The following RUFY2 variants were observed in gnomAD, a reference collection of about 807,000 sequenced individuals.
RUFY2 encodes RUN and FYVE domain containing 2, also known as RUN and FYVE domain-containing protein 2.
RUFY2 carries 49 observed loss-of-function variants against 94.4 expected under a neutral mutation model. The observed-to-expected ratio is 0.52, with a 90% CI of 0.41 to 0.66. RUFY2 has a LOEUF of 0.66. Ranked by LOEUF, RUFY2 falls within the 30% of genes least tolerant of loss-of-function variation. The pLI is 0.00. For synonymous variants in RUFY2, 255 were observed against 235.7 expected (o/e 1.08, Z -0.75); for missense variants, 541 against 692.8 (o/e 0.78, Z 2.46).
At chr10:68,341,280 C>G, downstream of RUFY2, 1 of 1,603,436 alleles carries the variant, frequency 6.2e-7, no homozygotes, top group Non-Finnish European at 8.5e-7. Context: ...GATGCAGTAG[C>G]TGCCATGTCT....
intron 12 of RUFY2, chr10:68,378,375 T>A: frequency 8.1e-6 from 10 of 1,231,540 alleles, no homozygotes; most frequent in Non-Finnish European, 1.0e-5. Context: ...GAGGAACGTA[T>A]GTCTGGAAAT....
chr10:68,406,275 A>C (rs984254616), intron 1 of RUFY2, among the ~76,000 whole-genome samples: 2 of 152,106 alleles, frequency 1.3e-5, no homozygotes, highest in African/African-American at 4.8e-5. Context: ...GCAACCTAAA[A>C]TGCAAACAGC....
At chr10:68,384,374 T>A (rs1214508915) in intron 8 of RUFY2, among the ~76,000 whole-genome samples, 1 of 152,238 alleles carries the variant, frequency 6.6e-6, no homozygotes, top group African/African-American at 2.4e-5. Flanking sequence ...TTCCTACTAT[T>A]TTCTTTTATA....
chr10:68,384,803 T>G (rs1045298253), intron 8 of RUFY2, among the ~76,000 whole-genome samples: 4 of 152,180 alleles, frequency 2.6e-5, no homozygotes, highest in African/African-American at 9.7e-5. Context: ...TTTCTAAACA[T>G]TTTATCAGGA....
At chr10:68,357,863 A>G (rs1164034907) in intron 15 of RUFY2, among the ~76,000 whole-genome samples, 1 of 152,200 alleles carries the variant, frequency 6.6e-6, no homozygotes, top group African/African-American at 2.4e-5. Flanking sequence ...ACTTGTTTCA[A>G]ATTTTTCGCC....
At position 68,365,580 on chromosome 10, in the gene RUFY2, A is replaced by C. The variant is rs955844441; in HGVS notation, c.1326-1467T>G. On this transcript the variant is annotated intron_variant, in intron 13 of 17. Coordinates refer to ENST00000602465, the MANE Select transcript of RUFY2 (RefSeq NM_001330103.2). ...GAGCCTGAACTGTAAAATTGGGCAAAGAATTAGCTTACTCGTTTTTATCCA... is the reference window on the plus strand; with the variant it reads ...GAGCCTGAACTGTAAAATTGGGCAACGAATTAGCTTACTCGTTTTTATCCA... 3.3e-5 allele frequency among the ~76,000 whole-genome samples: 5 copies of C among 152,244 alleles called. No individual in the cohort carries two copies. In the East Asian group the frequency reaches 9.6e-4, roughly 29 times the overall value.
intron 7 of RUFY2, among the ~76,000 whole-genome samples, chr10:68,390,676 T>C (rs917151322): frequency 2.0e-5 from 3 of 152,096 alleles, no homozygotes; most frequent in African/African-American, 4.8e-5. Context: ...TGCCCAGGCT[T>C]ATCTCAAACT....
intron 1 of RUFY2, chr10:68,406,972 G>A (rs1467613003): frequency 2.4e-5 from 37 of 1,536,820 alleles, no homozygotes; most frequent in African/African-American, 5.5e-5. Context: ...CTCAGAACCC[G>A]GGCGGGAACG....
intron 13 of RUFY2, among the ~76,000 whole-genome samples, chr10:68,374,780 CTTA>C (rs1356888075): frequency 4.6e-5 from 7 of 151,780 alleles, no homozygotes; most frequent in African/African-American, 2.4e-5. Context: ...GTTGTTTGTT[CTTA>C]TTGTTGTTTT....
intron 10 of RUFY2, among the ~76,000 whole-genome samples, chr10:68,382,034 A>G (rs568413632): frequency 1.3e-5 from 2 of 152,078 alleles, no homozygotes; most frequent in East Asian, 1.9e-4. Context: ...AGTAACTCAA[A>G]TAACAGTTTA....
intron 12 of RUFY2, chr10:68,377,240 A>G: frequency 7.8e-7 from 1 of 1,289,258 alleles, no homozygotes; most frequent in African/African-American, 1.5e-5. Flanking sequence ...TAACAGTGCA[A>G]AGCAATACAG....
intron 4 of RUFY2, among the ~76,000 whole-genome samples, chr10:68,395,735 C>T (rs2050345693): frequency 6.6e-6 from 1 of 152,200 alleles, no homozygotes; most frequent in Admixed American, 6.6e-5. Context: ...GGCCCATGTA[C>T]ATTATTTAAT....
chr10:68,400,944 T>C (rs1017390209), intron 3 of RUFY2, among the ~76,000 whole-genome samples: 13 of 151,162 alleles, frequency 8.6e-5, no homozygotes, highest in Non-Finnish European at 1.5e-4. Context: ...ACCCGGGAGG[T>C]GGAGCTTGCA....
downstream of RUFY2, chr10:68,342,093 C>G: frequency 1.4e-6 from 2 of 1,432,032 alleles, no homozygotes; most frequent in Non-Finnish European, 2.0e-6. Flanking sequence ...ACAACAGCAT[C>G]TGGTCTACTA....
chr10:68,386,105 G>A lies in RUFY2; in HGVS notation c.674C>T (p.Ser225Leu), dbSNP rs2049474239. 2 of 1,612,348 alleles carry A rather than the reference G, an allele frequency of 1.2e-6. No homozygotes were observed. Among genetic ancestry groups the A allele is most frequent in the East Asian group, 2.2e-5 (1 of 44,812 alleles). ...QLNSTVSSLH[S>L]RVDSLEKSNT... ...TGACTTTTCTAATGAATCAACTCTT[G>A]AATGGAGGCTGCTGACTGTGCTGCT... Residue 225 changes from serine (S) to leucine (L), a missense_variant, in exon 8 of 18, where the codon TCA becomes TTA. By Grantham distance (145) the Ser-to-Leu change is moderately radical (BLOSUM62 -2). Transcript: ENST00000602465.
At chr10:68,376,473 TATATATATATATATA>T (rs1235045548) in intron 13 of RUFY2, among the ~76,000 whole-genome samples, 449 of 41,462 alleles carry the variant, frequency 0.011, 69 homozygotes, top group Non-Finnish European at 0.016. Context: ...TATATATATA[TATATATATATATATA>T]TATTCTCAGA....
At chr10:68,363,514 C>T in intron 15 of RUFY2, 76 bp downstream of exon 15, 1 of 937,718 alleles carries the variant, frequency 1.1e-6, no homozygotes, top group Non-Finnish European at 1.6e-6. Flanking sequence ...AACTCTTCTG[C>T]CTAATAGATT....
chr10:68,343,908 G>C lies in RUFY2; in HGVS notation c.*1860C>G, dbSNP rs1406575182. Reference sequence around the variant, plus strand: ...TTAAAGGATGACAAAATCATGGTTTGTTGAATGAAATTAGCCTTGGAATTT... The same window carrying C: ...TTAAAGGATGACAAAATCATGGTTTCTTGAATGAAATTAGCCTTGGAATTT... On this transcript the variant is annotated 3_prime_UTR_variant, in exon 18 of 18. Transcript: ENST00000602465. 3.4e-5 allele frequency: 5 copies of C among 149,178 alleles called. No individual in the cohort carries two copies. Among genetic ancestry groups the C allele is most frequent in the African/African-American group, 9.8e-5 (4 of 40,644 alleles). The allele number at this position is 149,178 out of a possible 1,614,324, so 9.2% of individuals were successfully genotyped here.
intron 13 of RUFY2, among the ~76,000 whole-genome samples, chr10:68,372,897 G>T (rs1401314925): frequency 6.7e-6 from 1 of 149,282 alleles, no homozygotes; most frequent in Non-Finnish European, 1.5e-5. Context: ...GACACAGCAA[G>T]ACCCTGTATC....
Sources: allele counts gnomAD v4.1 joint callset (sites outside exome capture counted in the v4.1 genomes callset), GRCh38; gene constraint gnomAD v4.1.1; transcripts MANE v1.5; gene names NCBI Gene and HGNC (gene_info 2026-07-23, HGNC 2026-07-21).